Variants in KCNIP2 observed in about 807,000 individuals in gnomAD.
The protein encoded by KCNIP2 is potassium voltage-gated channel interacting protein 2, also known as A-type potassium channel modulatory protein KCNIP2.
KCNIP2 carries 19 observed loss-of-function variants against 39.0 expected under a neutral mutation model. The observed-to-expected ratio is 0.49, with a 90% CI of 0.34 to 0.71. KCNIP2 has a LOEUF of 0.71. Among genes scored for constraint, KCNIP2 ranks in the 30% least tolerant of loss-of-function variants. The pLI is 0.01. For missense variants in KCNIP2, 261 were observed against 346.0 expected (o/e 0.75, Z 1.95); for synonymous variants, 111 against 131.2 (o/e 0.85, Z 1.05).
intron 1 of KCNIP2, among the ~76,000 whole-genome samples, chr10:101,841,721 G>A (rs2066344539): frequency 6.6e-6 from 1 of 152,166 alleles, no homozygotes; most frequent in Admixed American, 6.5e-5. Flanking sequence ...ACTGGGGCAG[G>A]GCATCTCCAA....
At chr10:101,841,354 C>G (rs2066333268) in intron 1 of KCNIP2, among the ~76,000 whole-genome samples, 1 of 152,244 alleles carries the variant, frequency 6.6e-6, no homozygotes, top group Non-Finnish European at 1.5e-5. Flanking sequence ...GACTCCCCTT[C>G]ATGCTTCAGC....
At chr10:101,832,955 C>T (rs1249273444) in intron 1 of KCNIP2, among the ~76,000 whole-genome samples, 1 of 152,212 alleles carries the variant, frequency 6.6e-6, no homozygotes, top group African/African-American at 2.4e-5. Context: ...CTCAGCCCAG[C>T]TGTCCCAGTT....
intron 1 of KCNIP2, among the ~76,000 whole-genome samples, chr10:101,842,752 A>C (rs1463654358): frequency 6.6e-6 from 1 of 152,168 alleles, no homozygotes. Flanking sequence ...CTGTACCAGG[A>C]AGCCAGAGAG....
In KCNIP2 at chr10:101,843,643, G is replaced by C; in HGVS notation, c.-75C>G. ...GGCCGGGATAGGGCGCTCACACGGC[G>C]CCCCCTGGCGGCCTACTGTGCTGTC... On this transcript the variant is annotated 5_prime_UTR_variant, in exon 1 of 10. Coordinates refer to ENST00000356640, the MANE Select transcript of KCNIP2 (RefSeq NM_173191.3). This position sits in a 1 kb window ranked among gnomAD's most constrained non-coding sequence, Gnocchi z 6.7. The C allele has an allele frequency of 1.2e-6, 1 of 815,448 alleles. No individual in the cohort carries two copies. Among genetic ancestry groups the C allele is most frequent in the Admixed American group, 3.7e-5 (1 of 26,976 alleles). The allele number at this position is 815,448 out of a possible 1,614,324, so 50.5% of individuals were successfully genotyped here.
chr10:101,828,352 G>T lies in KCNIP2; in HGVS notation c.489+37C>A, dbSNP rs2065820767. The T allele has an allele frequency of 6.2e-7, 1 of 1,613,596 alleles. No individual in the cohort carries two copies. The highest frequency in any genetic ancestry group is 1.7e-5 in the Admixed American group (1 of 59,996). Reference sequence around the variant, plus strand: ...CTGGAGATCCTGGCCCTGAACTCCAGGAAACAGGCTTCCCTGGCCCACCTC... The same window carrying T: ...CTGGAGATCCTGGCCCTGAACTCCATGAAACAGGCTTCCCTGGCCCACCTC... On this transcript the variant is annotated intron_variant, in intron 6 of 9. Transcript: ENST00000356640. This position sits in a 1 kb window ranked among gnomAD's most constrained non-coding sequence, Gnocchi z 6.6.
chr10:101,841,227 C>T (rs1220082008), intron 1 of KCNIP2, among the ~76,000 whole-genome samples: 1 of 152,196 alleles, frequency 6.6e-6, no homozygotes, highest in African/African-American at 2.4e-5. Context: ...TGCTTCCCTG[C>T]AAGCCTGATG....
At position 101,830,711 on chromosome 10, in the gene KCNIP2, G is replaced by A. The variant is rs1312841255; in HGVS notation, c.169+361C>T. Among the ~76,000 whole-genome samples the A allele has an allele frequency of 2.4e-3, 342 of 139,908 alleles. 1 individual carries two copies. The highest frequency in any genetic ancestry group is 8.1e-3 in the Middle Eastern group (2 of 246). 91.8% of individuals were successfully genotyped at this position (139,908 alleles called of 152,430 possible). On this transcript the variant is annotated intron_variant, in intron 2 of 9. Coordinates refer to ENST00000356640, the MANE Select transcript of KCNIP2 (RefSeq NM_173191.3). ...CACACACACACACACACACACACAC[G>A]CACGCAGGCCTGGGGCACGCCCCTC...
intron 9 of KCNIP2, 43 bp downstream of exon 9, chr10:101,827,646 C>T (rs781654565): frequency 1.2e-6 from 2 of 1,609,330 alleles, no homozygotes; most frequent in South Asian, 1.1e-5. Context: ...CTAAATCAGG[C>T]CTGAGTCCAG....
intron 1 of KCNIP2, among the ~76,000 whole-genome samples, chr10:101,837,261 A>G (rs1440857671): frequency 6.6e-6 from 1 of 152,136 alleles, no homozygotes; most frequent in Non-Finnish European, 1.5e-5. Context: ...AGAGTGAGTG[A>G]TAGTATACCC....
chr10:101,828,490 C>T lies in KCNIP2; in HGVS notation c.419-31G>A, dbSNP rs1295667010. The T allele has an allele frequency of 6.2e-7, 1 of 1,612,102 alleles. No homozygotes were observed. The highest frequency in any genetic ancestry group is 1.1e-5 in the South Asian group (1 of 90,828). Reference sequence around the variant, plus strand: ...GGGTGAGTGTGGAGAAGTTGGCTTCCACACAGGAGAGGACTTCCTCCCTCT... The same window carrying T: ...GGGTGAGTGTGGAGAAGTTGGCTTCTACACAGGAGAGGACTTCCTCCCTCT... On this transcript the variant is annotated intron_variant, in intron 5 of 9. Coordinates refer to ENST00000356640, the MANE Select transcript of KCNIP2 (RefSeq NM_173191.3). This position sits in a 1 kb window ranked among gnomAD's most constrained non-coding sequence, Gnocchi z 6.6.
chr10:101,843,585 C>A lies in KCNIP2; in HGVS notation c.-17G>T. ...GCCCCGCATGGCCCCCGGCGCCCCG[C>A]TCCCGCCCGGGCCGTGGGAGGGGGC... On this transcript the variant is annotated 5_prime_UTR_variant, in exon 1 of 10. Coordinates refer to ENST00000356640, the MANE Select transcript of KCNIP2 (RefSeq NM_173191.3). This position sits in a 1 kb window ranked among gnomAD's most constrained non-coding sequence, Gnocchi z 6.7. 6.7e-7 allele frequency: 1 copy of A among 1,491,770 alleles called. No homozygotes were observed. Among genetic ancestry groups the A allele is most frequent in the Non-Finnish European group, 9.0e-7 (1 of 1,116,346 alleles). The allele number at this position is 1,491,770 out of a possible 1,614,324, so 92.4% of individuals were successfully genotyped here.
chr10:101,835,709 A>G (rs1311595470), intron 1 of KCNIP2, among the ~76,000 whole-genome samples: 9 of 152,010 alleles, frequency 5.9e-5, no homozygotes, highest in Admixed American at 2.0e-4. Flanking sequence ...AGAGCCAATG[A>G]GCCACAAGAC....
chr10:101,831,401 G>A (rs765150357), intron 1 of KCNIP2, among the ~76,000 whole-genome samples: 5 of 152,112 alleles, frequency 3.3e-5, no homozygotes, highest in African/African-American at 9.7e-5. Flanking sequence ...ACAGCGAGGC[G>A]GCAAGGATGA....
In KCNIP2 at chr10:101,843,375, A is replaced by G. The variant is rs1214595073; in HGVS notation, c.73+121T>C. ...CAGTGTCCTGCCGCCCAGACCGGCCATAAGAGTGCCTGGGAATGGGGCAGA... is the reference window on the plus strand; with the variant it reads ...CAGTGTCCTGCCGCCCAGACCGGCCGTAAGAGTGCCTGGGAATGGGGCAGA... On this transcript the variant is annotated intron_variant, in intron 1 of 9. Transcript: ENST00000356640. The surrounding 1 kb of genome is among the most constrained non-coding windows in gnomAD (Gnocchi z 6.7). 11 of 560,108 alleles carry G rather than the reference A, an allele frequency of 2.0e-5. No individual in the cohort carries two copies. The highest frequency in any genetic ancestry group is 1.8e-4 in the East Asian group (5 of 28,324). The allele number at this position is 560,108 out of a possible 1,614,324, so 34.7% of individuals were successfully genotyped here. A position where few individuals can be genotyped will look rare whatever the true frequency, so the allele number is the denominator to read the frequency against.
chr10:101,828,060 G>A lies in KCNIP2; in HGVS notation c.598-67C>T. 2.0e-6 allele frequency: 3 copies of A among 1,537,010 alleles called. No homozygotes were observed. Among genetic ancestry groups the A allele is most frequent in the Non-Finnish European group, 2.7e-6 (3 of 1,109,918 alleles). On this transcript the variant is annotated intron_variant, in intron 7 of 9. Transcript: ENST00000356640. This position sits in a 1 kb window ranked among gnomAD's most constrained non-coding sequence, Gnocchi z 6.6. ...CAGCCTCCCTTGATCCCTTGCTTGT[G>A]GGCATATGTGGGTCATATTTCCCTC...
At chr10:101,836,821 C>T (rs770636304) in intron 1 of KCNIP2, among the ~76,000 whole-genome samples, 15 of 152,162 alleles carry the variant, frequency 9.9e-5, no homozygotes, top group South Asian at 8.3e-4. Context: ...ATTAGCCGGG[C>T]GTGGTGGCAC....
At position 101,827,754 on chromosome 10, in the gene KCNIP2, G is replaced by T. The variant is rs1669187580; in HGVS notation, c.703-3C>A. 2 of 1,603,030 alleles carry T rather than the reference G, an allele frequency of 1.2e-6. No homozygotes were observed. The highest frequency in any genetic ancestry group is 8.5e-7 in the Non-Finnish European group (1 of 1,169,882). Reference sequence around the variant, plus strand: ...CCATCCTTGTTTCTGTCCATCTTCTGCAAGAAGGTGGTCAGGCAGGGAGAA... The same window carrying T: ...CCATCCTTGTTTCTGTCCATCTTCTTCAAGAAGGTGGTCAGGCAGGGAGAA... On this transcript the variant is annotated splice_region_variant and splice_polypyrimidine_tract_variant and intron_variant, in intron 8 of 9. Coordinates refer to ENST00000356640, the MANE Select transcript of KCNIP2 (RefSeq NM_173191.3).
intron 1 of KCNIP2, among the ~76,000 whole-genome samples, chr10:101,836,835 C>A (rs2066176872): frequency 1.3e-5 from 2 of 152,166 alleles, no homozygotes; most frequent in Admixed American, 1.3e-4. Flanking sequence ...GTGGCACACA[C>A]CTGTAATCCC....
intron 1 of KCNIP2, 116 bp from the exon 2 acceptor site, chr10:101,831,283 T>G (rs977065989): frequency 1.3e-6 from 1 of 791,770 alleles, no homozygotes; most frequent in East Asian, 2.7e-5. Flanking sequence ...GGGGGAGGAA[T>G]TAAGGGGAGG....
Sources: gnomAD v4.1 joint callset for allele counts (sites outside exome capture counted in the v4.1 genomes callset) on GRCh38, gnomAD v4.1.1 for gene constraint, Gnocchi (gnomAD v3.1) non-coding constraint, MANE v1.5 for transcripts, NCBI Gene and HGNC (gene_info 2026-07-23, HGNC 2026-07-21) for gene names.